Variants in MCM5 observed in about 807,000 individuals in gnomAD.
MCM5 encodes the protein DNA replication licensing factor MCM5.
A neutral mutation model predicts 79.9 loss-of-function variants in MCM5; 46 were observed. The observed-to-expected ratio is 0.58, with a 90% CI of 0.45 to 0.74. MCM5 has a LOEUF of 0.74. MCM5 is among the 30% of genes least tolerant of loss of function. The pLI, the probability that MCM5 is intolerant of heterozygous loss-of-function variation, is 0.00. For missense variants in MCM5, 883 were observed against 1,017.0 expected (o/e 0.87, Z 1.79); for synonymous variants, 404 against 390.5 (o/e 1.03, Z -0.41).
At position 35,416,392 on chromosome 22, in the gene MCM5, C is replaced by G; in HGVS notation, c.1401C>G (p.Ile467Met). 1 of 1,612,704 alleles carries G rather than the reference C, an allele frequency of 6.2e-7. No individual in the cohort carries two copies. Among genetic ancestry groups the G allele is most frequent in the African/African-American group, 1.4e-5 (1 of 74,056 alleles). The change falls in exon 11 of 17, where the codon ATC becomes ATG. Residue 467 changes from isoleucine (I) to methionine (M), a missense_variant. By Grantham distance (10) the Ile-to-Met change is conservative. Transcript: ENST00000216122. ...ACGAAGCCATGGAGCAGCAGACCAT[C>G]TCTATCGCCAAGGTGAGTGGCCCTC... ...AIHEAMEQQT[I>M]SIAKAGITTT...
the MCM5 span, among the ~76,000 whole-genome samples, chr22:35,438,499 C>CCATCCATG: frequency 1.3e-5 from 2 of 149,128 alleles, no homozygotes; most frequent in African/African-American, 5.0e-5. Context: ...ATCCATCCAT[C>CCATCCATG]CATCCATCCA....
rs772304184 is a variant in MCM5 at position 35,424,092 on chromosome 22, C to T, written c.2104-62C>T. 4.0e-5 allele frequency: 45 copies of T among 1,124,626 alleles called. No individual in the cohort carries two copies. The African/African-American group carries it at 6.4e-4, about 16-fold the overall frequency. 69.7% of individuals were successfully genotyped at this position (1,124,626 alleles called of 1,614,324 possible). On this transcript the variant is annotated intron_variant, in intron 16 of 16. Transcript: ENST00000216122. ...AAGTTCCCCGTGAGCCTGGGGATGT[C>T]TGGGCTCTGTCGGAGTCCCCTCGGG...
At chr22:35,453,827 G>T in the MCM5 span, among the ~76,000 whole-genome samples, 142 of 137,444 alleles carry the variant, frequency 1.0e-3, 1 homozygote, top group African/African-American at 2.8e-3. Context: ...TATAGAGAGA[G>T]AGAGAGAGAG....
chr22:35,408,522 C>G lies in MCM5; in HGVS notation c.711C>G (p.Pro237=). ...TGCAGGAGCTGCCTGATGCAGTCCC[C>G]CACGGGGAGATGCCCAGACACATGC... ...LKLQELPDAV[P]HGEMPRHMQL... is the part of the protein sequence containing the mutation. Residue 237 remains proline (P), a synonymous_variant, in exon 6 of 17, where the codon CCC becomes CCG. Transcript: ENST00000216122. 6.2e-7 allele frequency: 1 copy of G among 1,614,120 alleles called. No individual in the cohort carries two copies. Among genetic ancestry groups the G allele is most frequent in the East Asian group, 2.2e-5 (1 of 44,882 alleles).
the MCM5 span, among the ~76,000 whole-genome samples, chr22:35,442,743 T>G: frequency 4.6e-5 from 7 of 152,184 alleles, no homozygotes; most frequent in Admixed American, 2.0e-4. Context: ...AATCTCCCCA[T>G]CTTAATTTGA....
chr22:35,443,395 G>A, the MCM5 span, among the ~76,000 whole-genome samples: 1 of 152,062 alleles, frequency 6.6e-6, no homozygotes, highest in Non-Finnish European at 1.5e-5. Flanking sequence ...TGCCATGTTG[G>A]CCAGGCTGGT....
At chr22:35,420,139 G>T in intron 14 of MCM5, 127 bp downstream of exon 14, 1 of 1,138,758 alleles carries the variant, frequency 8.8e-7, no homozygotes, top group Non-Finnish European at 1.2e-6. Flanking sequence ...CTCTGGGCAG[G>T]AAGAGTCCCT....
intron 2 of MCM5, among the ~76,000 whole-genome samples, chr22:35,402,603 G>A (rs1378593233): frequency 6.6e-6 from 1 of 151,894 alleles, no homozygotes; most frequent in Non-Finnish European, 1.5e-5. Context: ...GCCCAGGCTG[G>A]AGTGCCCTGG....
downstream of MCM5, among the ~76,000 whole-genome samples, chr22:35,428,563 G>GT (rs1195479475): frequency 1.3e-5 from 2 of 151,980 alleles, no homozygotes; most frequent in African/African-American, 2.4e-5. Context: ...TATGTAGATA[G>GT]TTTTTTACAT....
At chr22:35,450,785 G>A in the MCM5 span, among the ~76,000 whole-genome samples, 3 of 151,058 alleles carry the variant, frequency 2.0e-5, no homozygotes, top group Admixed American at 2.0e-4. Context: ...TTGTCAATGA[G>A]GAAAGAGTTG....
At chr22:35,449,790 AT>A in the MCM5 span, among the ~76,000 whole-genome samples, 2 of 151,584 alleles carry the variant, frequency 1.3e-5, no homozygotes, top group Admixed American at 6.6e-5. Flanking sequence ...TTTTATTCTT[AT>A]TTTTTTTAGA....
chr22:35,453,614 G>C, the MCM5 span, among the ~76,000 whole-genome samples: 1 of 151,188 alleles, frequency 6.6e-6, no homozygotes, highest in Non-Finnish European at 1.5e-5. Context: ...AATAGAGACA[G>C]AGAGATAAAG....
the MCM5 span, among the ~76,000 whole-genome samples, chr22:35,450,790 G>A: frequency 2.0e-5 from 3 of 150,346 alleles, no homozygotes; most frequent in Non-Finnish European, 4.4e-5. Context: ...AATGAGGAAA[G>A]AGTTGGGAAT....
At chr22:35,449,039 G>A in the MCM5 span, among the ~76,000 whole-genome samples, 1 of 152,196 alleles carries the variant, frequency 6.6e-6, no homozygotes, top group African/African-American at 2.4e-5. Flanking sequence ...GCCTCTGGTG[G>A]GAGATGAGGC....
In MCM5 at chr22:35,400,150, C is replaced by G. The variant is rs989062142; in HGVS notation, c.-67C>G. On this transcript the variant is annotated 5_prime_UTR_variant, in exon 1 of 17. Transcript: ENST00000216122. ...CGCCTCTTGTTTTTCCCGCGAAACT[C>G]GGCGGCTGAGCGTGGAGGTTCTTGT... 2.5e-6 allele frequency: 1 copy of G among 406,718 alleles called. No individual in the cohort carries two copies. Among genetic ancestry groups the G allele is most frequent in the Admixed American group, 4.2e-5 (1 of 23,804 alleles). The allele number at this position is 406,718 out of a possible 1,614,324, so 25.2% of individuals were successfully genotyped here.
intron 5 of MCM5, among the ~76,000 whole-genome samples, chr22:35,407,428 C>G (rs1442506250): frequency 1.3e-5 from 2 of 152,120 alleles, no homozygotes; most frequent in Non-Finnish European, 2.9e-5. Flanking sequence ...CCTTGACACT[C>G]AGGTGGTCCA....
At chr22:35,416,868 T>TG in intron 12 of MCM5, 54 bp downstream of exon 12, 1 of 1,586,658 alleles carries the variant, frequency 6.3e-7, no homozygotes, top group Non-Finnish European at 8.6e-7. Flanking sequence ...GGCAGGCTTG[T>TG]GATTGTGTGG....
chr22:35,402,357 C>T (rs1321259812), intron 2 of MCM5, among the ~76,000 whole-genome samples: 6 of 149,150 alleles, frequency 4.0e-5, no homozygotes, highest in South Asian at 2.1e-4. Context: ...GATGGAGTCT[C>T]GCTCTGTCAC....
At chr22:35,442,192 T>C in the MCM5 span, among the ~76,000 whole-genome samples, 1 of 151,878 alleles carries the variant, frequency 6.6e-6, no homozygotes, top group Non-Finnish European at 1.5e-5. Flanking sequence ...ATGCCACCCG[T>C]GTATATTATA....
Sources: allele counts gnomAD v4.1 joint callset (sites outside exome capture counted in the v4.1 genomes callset), GRCh38; gene constraint gnomAD v4.1.1; transcripts MANE v1.5; gene names NCBI Gene and HGNC (gene_info 2026-07-23, HGNC 2026-07-21).